NOS1: variants seen among roughly 807,000 people sequenced by gnomAD.
NOS1 encodes NOS type I.
A neutral mutation model predicts 164.5 loss-of-function variants in NOS1; 51 were observed. That is an observed-to-expected ratio of 0.31 (90% CI 0.25 to 0.39). NOS1 has a LOEUF of 0.39. Ranked by LOEUF, NOS1 falls within the 10% of genes least tolerant of loss-of-function variation. The probability of loss-of-function intolerance (pLI) is 1.00; values close to 1 mark genes in which losing one functional copy is unlikely to be tolerated. For synonymous variants in NOS1, 719 were observed against 745.8 expected (o/e 0.96, Z 0.59); for missense variants, 1,362 against 1,885.6 (o/e 0.72, Z 5.14).
Position 117,214,968 on chromosome 12 carries a change from C to T in NOS1, c.*341G>A. On this transcript the variant is annotated 3_prime_UTR_variant, in exon 29 of 29. Coordinates refer to ENST00000317775, the MANE Select transcript of NOS1 (RefSeq NM_000620.5). The stretch of plus-strand genomic sequence containing the variant: ...CTTGTGCCTAGTTCCTGCAGCCTTT[C>T]CAGGGGAACCCCAGAGAAAAAAACC... 2 of 1,082,576 alleles carry T rather than the reference C, an allele frequency of 1.8e-6. No homozygotes were observed. Among genetic ancestry groups the T allele is most frequent in the Non-Finnish European group, 2.2e-6 (2 of 893,590 alleles). The allele number at this position is 1,082,576 out of a possible 1,614,324, so 67.1% of individuals were successfully genotyped here. A position where few individuals can be genotyped will look rare whatever the true frequency, so the allele number is the denominator to read the frequency against.
chr12:117,254,171 G>A (rs891347362), intron 16 of NOS1, among the ~76,000 whole-genome samples: 1 of 152,084 alleles, frequency 6.6e-6, no homozygotes, highest in Non-Finnish European at 1.5e-5. Context: ...GCAATGGCAC[G>A]GCCTCGTCTC....
At chr12:117,278,596 T>C (rs993181333) in intron 8 of NOS1, among the ~76,000 whole-genome samples, 1 of 151,958 alleles carries the variant, frequency 6.6e-6, no homozygotes, top group African/African-American at 2.4e-5. Flanking sequence ...AATTACAGTA[T>C]AAAATGCATT....
chr12:117,212,793 A>G lies in NOS1; in HGVS notation c.*2516T>C, dbSNP rs931297523. ...AGAGGGCAGTATTTCCCCACCCTTG[A>G]TCTGAGCCTAACAATCTGGACTCCA... is the stretch of plus-strand genomic sequence containing the variant. On this transcript the variant is annotated 3_prime_UTR_variant, in exon 29 of 29. Transcript: ENST00000317775. 6.1e-6 allele frequency: 6 copies of G among 985,296 alleles called. No homozygotes were observed. Among genetic ancestry groups the G allele is most frequent in the Non-Finnish European group, 6.0e-6 (5 of 829,932 alleles). The allele number at this position is 985,296 out of a possible 1,614,324, so 61.0% of individuals were successfully genotyped here. A position where few individuals can be genotyped will look rare whatever the true frequency, so the allele number is the denominator to read the frequency against.
rs1872844315 is a variant in NOS1, at chr12:117,272,267, T to C, written c.1839+118A>G. On this transcript the variant is annotated intron_variant, in intron 10 of 28. Transcript: ENST00000317775. This position sits in a 1 kb window ranked among gnomAD's most constrained non-coding sequence, Gnocchi z 4.3. Reference sequence around the variant, plus strand: ...TCCAGGGGCTTCTCTGGGATTGCAATTCTATTCTAACCCCTTCAAGTTTCC... The same window carrying C: ...TCCAGGGGCTTCTCTGGGATTGCAACTCTATTCTAACCCCTTCAAGTTTCC... 9.3e-6 allele frequency: 10 copies of C among 1,075,266 alleles called. No homozygotes were observed. The highest frequency in any genetic ancestry group is 4.2e-5 in the South Asian group (3 of 72,278). 66.6% of individuals were successfully genotyped at this position (1,075,266 alleles called of 1,614,324 possible).
Position 117,287,911 on chromosome 12 carries a change from G to A in NOS1, c.1127+163C>T, listed in dbSNP as rs576988141. Among the ~76,000 whole-genome samples, 10 of 152,306 alleles carry A rather than the reference G, an allele frequency of 6.6e-5. No individual in the cohort carries two copies. The East Asian group carries it at 1.9e-3, about 29-fold the overall frequency. ...GCAACCCTTTGCAGGTGAAACAAAAGCACTTCTGGGGAACAGATGTGACCT... is the reference window on the plus strand; with the variant it reads ...GCAACCCTTTGCAGGTGAAACAAAAACACTTCTGGGGAACAGATGTGACCT... On this transcript the variant is annotated intron_variant, in intron 5 of 28. Coordinates refer to ENST00000317775, the MANE Select transcript of NOS1 (RefSeq NM_000620.5).
chr12:117,245,732 A>G (rs1157347481), intron 18 of NOS1: 1 of 152,236 alleles, frequency 6.6e-6, no homozygotes, highest in East Asian at 1.9e-4. Context: ...AGCCTGGGCA[A>G]CACGGTGAAA....
In NOS1 at chr12:117,227,592, A is replaced by C; in HGVS notation, c.3455T>G (p.Val1152Gly). Residue 1152 changes from valine to glycine, a missense_variant, in exon 23 of 29, where the codon GTG becomes GGG. Physicochemically the swap from Val to Gly is moderately radical, Grantham distance 109 (BLOSUM62 -3). Around this residue, in one of 4 missense-constraint regions of NOS1, gnomAD observed 737 missense variants for 1,030.3 expected, o/e 0.72. Transcript: ENST00000317775. Reference protein sequence around the residue: ...EWKWGKNPTIVEVLEEFPSIQ... With the variant: ...EWKWGKNPTIGEVLEEFPSIQ... ...AGATGGGAACTCCTCCAGCACCTCC[A>C]CGATGGTGGGGTTCTTGCCCCATTT... 6.2e-7 allele frequency: 1 copy of C among 1,614,108 alleles called. No homozygotes were observed.
chr12:117,320,531 GACC>G lies in NOS1; in HGVS notation c.726-8942_726-8940del, dbSNP rs547598357. The stretch of plus-strand genomic sequence containing the variant: ...CCTTGATTTGATATCAGCCCACTGA[GACC>G]ACTTCAGACTTAAGACCGTCAGAAT... On this transcript the variant is annotated intron_variant, in intron 2 of 28. Coordinates refer to ENST00000317775, the MANE Select transcript of NOS1 (RefSeq NM_000620.5). Among the ~76,000 whole-genome samples the G allele has an allele frequency of 2.0e-4, 31 of 152,306 alleles. No individual in the cohort carries two copies. The South Asian group carries it at 6.4e-3, about 32-fold the overall frequency.
intron 9 of NOS1, among the ~76,000 whole-genome samples, chr12:117,274,214 G>C (rs1872997729): frequency 6.6e-6 from 1 of 152,112 alleles, no homozygotes; most frequent in Non-Finnish European, 1.5e-5. Flanking sequence ...AGGAAGAAAT[G>C]CTCAGCTTCA....
intron 9 of NOS1, among the ~76,000 whole-genome samples, chr12:117,277,421 C>T (rs995172664): frequency 1.3e-5 from 2 of 151,324 alleles, no homozygotes; most frequent in African/African-American, 4.9e-5. Context: ...CCCGTCTCTA[C>T]TAAAAACACA....
chr12:117,353,336 A>G (rs1208819378), intron 1 of NOS1, among the ~76,000 whole-genome samples: 3 of 152,050 alleles, frequency 2.0e-5, no homozygotes, highest in Non-Finnish European at 4.4e-5. Context: ...CTCTCCATCT[A>G]TTATCTACCT....
At chr12:117,271,543 G>C (rs1293046172) in intron 10 of NOS1, among the ~76,000 whole-genome samples, 2 of 152,076 alleles carry the variant, frequency 1.3e-5, no homozygotes, top group Admixed American at 6.6e-5. Context: ...CAAAGTGCTG[G>C]GATTACAGGC....
intron 1 of NOS1, among the ~76,000 whole-genome samples, chr12:117,357,088 CA>C (rs748466089): frequency 3.9e-5 from 6 of 152,206 alleles, no homozygotes; most frequent in Admixed American, 2.0e-4. Flanking sequence ...TTAAGGAGGC[CA>C]AGGCAGGCAG....
intron 1 of NOS1, among the ~76,000 whole-genome samples, chr12:117,352,332 T>C (rs1301074297): frequency 4.6e-5 from 7 of 152,208 alleles, no homozygotes; most frequent in Admixed American, 4.6e-4. Context: ...GCTTCAGTTC[T>C]GCACAACCCT....
rs981565286 is a variant in NOS1, at chr12:117,286,143, G to A, written c.1251C>T (p.Ala417=). The change falls in exon 6 of 29, where the codon GCC becomes GCT. Residue 417 remains alanine, a synonymous_variant. Coordinates refer to ENST00000317775, the MANE Select transcript of NOS1 (RefSeq NM_000620.5). ...ACTGGATCCTGCCCACACAGCGCGA[G>A]GCATTCCGCCAGGCGTGCTTGGCCC... ...IYGAKHAWRN[A]SRCVGRIQWS... is the part of the protein sequence containing the mutation. 3.1e-6 allele frequency: 5 copies of A among 1,614,100 alleles called. No individual in the cohort carries two copies. The highest frequency in any genetic ancestry group is 3.4e-6 in the Non-Finnish European group (4 of 1,180,048).
At chr12:117,336,493 G>C (rs1393536061) in intron 1 of NOS1, among the ~76,000 whole-genome samples, 1 of 152,182 alleles carries the variant, frequency 6.6e-6, no homozygotes, top group Non-Finnish European at 1.5e-5. Context: ...GGCAGGTTCA[G>C]TTGCAATGTG....
In NOS1 at chr12:117,214,985, A is replaced by T. The variant is rs931061484; in HGVS notation, c.*324T>A. ...CAGCCTTTCCAGGGGAACCCCAGAG[A>T]AAAAAACCCCCACAGCGACGGCCAT... is the stretch of plus-strand genomic sequence containing the variant. On this transcript the variant is annotated 3_prime_UTR_variant, in exon 29 of 29. Coordinates refer to ENST00000317775, the MANE Select transcript of NOS1 (RefSeq NM_000620.5). 29 of 1,110,992 alleles carry T rather than the reference A, an allele frequency of 2.6e-5. No homozygotes were observed. The African/African-American group carries it at 4.4e-4, about 17-fold the overall frequency. 68.8% of individuals were successfully genotyped at this position (1,110,992 alleles called of 1,614,324 possible).
At chr12:117,280,457 C>T (rs9658365) in intron 8 of NOS1, among the ~76,000 whole-genome samples, 8 of 152,166 alleles carry the variant, frequency 5.3e-5, no homozygotes, top group Non-Finnish European at 1.0e-4. Context: ...CTCACTTGGC[C>T]TTGGTGAGAC....
At position 117,253,765 on chromosome 12, in the gene NOS1, CAA is replaced by C; in HGVS notation, c.2532-13_2532-12del. The C allele has an allele frequency of 6.3e-7, 1 of 1,591,976 alleles. No individual in the cohort carries two copies. Among genetic ancestry groups the C allele is most frequent in the Non-Finnish European group, 8.6e-7 (1 of 1,159,876 alleles). On this transcript the variant is annotated splice_polypyrimidine_tract_variant and intron_variant, in intron 16 of 28. Transcript: ENST00000317775. Reference sequence around the variant, plus strand: ...CGGACCTTGTAGCTCCTGCCAAAACCAAAGAGAACCTGTGAGCTCTGGCCTGG... The same window carrying C: ...CGGACCTTGTAGCTCCTGCCAAAACCAGAGAACCTGTGAGCTCTGGCCTGG...
Sources: gnomAD v4.1 joint callset for allele counts (sites outside exome capture counted in the v4.1 genomes callset) on GRCh38, gnomAD v4.1.1 for gene constraint, gnomAD v4.1.1 regional missense constraint, Gnocchi (gnomAD v3.1) non-coding constraint, MANE v1.5 for transcripts, NCBI Gene and HGNC (gene_info 2026-07-23, HGNC 2026-07-21) for gene names.